Variants in AGBL4 observed in about 807,000 individuals in gnomAD.
The protein encoded by AGBL4 is cytosolic carboxypeptidase 6.
AGBL4 carries 58 observed loss-of-function variants against 66.4 expected under a neutral mutation model. That is an observed-to-expected ratio of 0.87 (90% CI 0.71 to 1.09). The LOEUF is 1.09. Among genes scored for constraint, AGBL4 ranks in the 50% least tolerant of loss-of-function variants. The probability of loss-of-function intolerance (pLI) is 0.00; values close to 1 mark genes in which losing one functional copy is unlikely to be tolerated. For synonymous variants in AGBL4, 234 were observed against 222.9 expected, an observed-to-expected ratio of 1.05 and a Z score of -0.44; for missense variants, 579 against 631.0, an observed-to-expected ratio of 0.92 and a Z score of 0.88.
At chr1:49,307,878 A>G (rs1335147080) in intron 3 of AGBL4, among the ~76,000 whole-genome samples, 1 of 152,174 alleles carries the variant, frequency 6.6e-6, no homozygotes, top group Non-Finnish European at 1.5e-5. Flanking sequence ...TTCAATTTAA[A>G]CAGACCTGAT....
chr1:49,593,898 A>C (rs1260451197), intron 3 of AGBL4, among the ~76,000 whole-genome samples: 2 of 152,210 alleles, frequency 1.3e-5, no homozygotes, highest in African/African-American at 2.4e-5. Flanking sequence ...GAGTATGCTA[A>C]TATTAAAGCA....
chr1:49,949,902 T>C (rs11205667), intron 1 of AGBL4, among the ~76,000 whole-genome samples: 140,036 of 149,828 alleles, frequency 0.93, 66,129 homozygotes, highest in East Asian at 1. Context: ...TACTTGCATA[T>C]GCATGTTTAT....
intron 6 of AGBL4, among the ~76,000 whole-genome samples, chr1:48,742,321 G>A (rs1275062986): frequency 3.9e-5 from 6 of 152,022 alleles, no homozygotes; most frequent in African/African-American, 1.5e-4. Context: ...AAACTATCAT[G>A]GGAATTAAGA....
intron 3 of AGBL4, among the ~76,000 whole-genome samples, chr1:49,371,266 T>C (rs1394872029): frequency 1.3e-5 from 2 of 151,898 alleles, no homozygotes; most frequent in Admixed American, 1.3e-4. Flanking sequence ...CATACATACA[T>C]ACATACATAC....
intron 12 of AGBL4, among the ~76,000 whole-genome samples, chr1:48,537,004 T>C (rs1273629549): frequency 6.6e-6 from 1 of 152,204 alleles, no homozygotes; most frequent in Non-Finnish European, 1.5e-5. Flanking sequence ...GAAAGTGACA[T>C]ATTGTAATTA....
At chr1:49,893,720 G>A (rs1648888801) in intron 1 of AGBL4, among the ~76,000 whole-genome samples, 1 of 152,218 alleles carries the variant, frequency 6.6e-6, no homozygotes, top group Admixed American at 6.5e-5. Context: ...GCACCGGTTA[G>A]ATTTCTAAGG....
chr1:49,617,142 TC>T (rs1645264492), intron 3 of AGBL4, among the ~76,000 whole-genome samples: 2 of 152,176 alleles, frequency 1.3e-5, no homozygotes, highest in African/African-American at 4.8e-5. Flanking sequence ...TTTAGCCTCA[TC>T]TTCCATTAAT....
intron 6 of AGBL4, among the ~76,000 whole-genome samples, chr1:48,773,366 TGA>T (rs897632916): frequency 3.2e-4 from 48 of 151,986 alleles, no homozygotes; most frequent in African/African-American, 9.7e-4. Flanking sequence ...GGCAAATAAA[TGA>T]GAGTAAAGAG....
chr1:49,506,210 G>A (rs1235846927), intron 3 of AGBL4, among the ~76,000 whole-genome samples: 1 of 151,772 alleles, frequency 6.6e-6, no homozygotes, highest in Non-Finnish European at 1.5e-5. Flanking sequence ...AGCAAACCAA[G>A]GATGTTATTT....
At chr1:49,509,360 C>A (rs1648988405) in intron 3 of AGBL4, among the ~76,000 whole-genome samples, 1 of 151,818 alleles carries the variant, frequency 6.6e-6, no homozygotes, top group African/African-American at 2.4e-5. Flanking sequence ...TATTTACATG[C>A]ATTATTTTAT....
At chr1:48,902,912 C>T (rs1304504283) in intron 5 of AGBL4, among the ~76,000 whole-genome samples, 2 of 152,148 alleles carry the variant, frequency 1.3e-5, no homozygotes, top group Non-Finnish European at 2.9e-5. Flanking sequence ...GTGAGGCCTT[C>T]TAAGACTTGG....
chr1:49,775,164 C>T (rs747681209), intron 2 of AGBL4, among the ~76,000 whole-genome samples: 9 of 152,064 alleles, frequency 5.9e-5, no homozygotes, highest in African/African-American at 9.7e-5. Flanking sequence ...TTTAAGAGCA[C>T]GTGATCTGGA....
chr1:49,668,601 C>G (rs1276671799), intron 3 of AGBL4, among the ~76,000 whole-genome samples: 2 of 152,088 alleles, frequency 1.3e-5, no homozygotes, highest in African/African-American at 2.4e-5. Flanking sequence ...TTCCCTTAAA[C>G]AGAAAGCGAC....
chr1:49,751,341 T>C (rs1651445238), intron 2 of AGBL4, among the ~76,000 whole-genome samples: 1 of 151,958 alleles, frequency 6.6e-6, no homozygotes, highest in African/African-American at 2.4e-5. Flanking sequence ...TTGATATAAT[T>C]GTGGTTTTTG....
chr1:48,772,845 A>G (rs1405248737), intron 6 of AGBL4, among the ~76,000 whole-genome samples: 4 of 152,196 alleles, frequency 2.6e-5, no homozygotes, highest in African/African-American at 9.7e-5. Flanking sequence ...TAAACTGCAA[A>G]GCCCACCTTG....
At chr1:49,639,460 A>G (rs144243232) in intron 3 of AGBL4, among the ~76,000 whole-genome samples, 1 of 152,336 alleles carries the variant, frequency 6.6e-6, no homozygotes, top group Admixed American at 6.5e-5. Flanking sequence ...AACAGTCTGG[A>G]GCATATTCTT....
intron 3 of AGBL4, among the ~76,000 whole-genome samples, chr1:49,617,291 G>A (rs1645267819): frequency 6.6e-6 from 1 of 152,062 alleles, no homozygotes; most frequent in African/African-American, 2.4e-5. Context: ...AGCCCTGCAG[G>A]TGGTTCATCT....
chr1:49,761,334 G>A (rs1237045165), intron 2 of AGBL4, among the ~76,000 whole-genome samples: 1 of 151,958 alleles, frequency 6.6e-6, no homozygotes, highest in Non-Finnish European at 1.5e-5. Flanking sequence ...TCTATTATAA[G>A]AGATTCAATC....
At position 49,463,115 on chromosome 1, in the gene AGBL4, G is replaced by T. The variant is rs532093571; in HGVS notation, c.283-217251C>A. On this transcript the variant is annotated intron_variant, in intron 3 of 13. Coordinates refer to ENST00000371839, the MANE Select transcript of AGBL4 (RefSeq NM_032785.4). Reference sequence around the variant, plus strand: ...CTTTACATGTATTATCTCAATTAATGCAATATACATAGGACATAGGTGTAA... The same window carrying T: ...CTTTACATGTATTATCTCAATTAATTCAATATACATAGGACATAGGTGTAA... Among the ~76,000 whole-genome samples the T allele has an allele frequency of 4.0e-5, 6 of 151,758 alleles. No individual in the cohort carries two copies. The South Asian group carries it at 1.2e-3, about 31-fold the overall frequency.
Sources: allele counts gnomAD v4.1 joint callset (sites outside exome capture counted in the v4.1 genomes callset), GRCh38; gene constraint gnomAD v4.1.1; transcripts MANE v1.5; gene names NCBI Gene and HGNC (gene_info 2026-07-23, HGNC 2026-07-21).